SH3RF3: variants seen among roughly 807,000 people sequenced by gnomAD.
The protein encoded by SH3RF3 is E3 ubiquitin-protein ligase SH3RF3.
Under a neutral mutation model 66.3 loss-of-function variants are expected in SH3RF3, and 29 were observed. The ratio of observed to expected loss-of-function variants is 0.44; its 90% CI spans 0.33 to 0.60. The LOEUF is 0.60. SH3RF3 is among the 20% of genes least tolerant of loss of function. The pLI is 0.04. For synonymous variants in SH3RF3, 583 were observed against 532.0 expected (o/e 1.10, Z -1.32); for missense variants, 1,194 against 1,190.9 (o/e 1.00, Z -0.04).
chr2:109,375,863 A>G (rs777063289), intron 3 of SH3RF3, among the ~76,000 whole-genome samples: 6 of 152,214 alleles, frequency 3.9e-5, no homozygotes, highest in Non-Finnish European at 8.8e-5. Context: ...TGAGCAGCCC[A>G]TGGGCAGTTC....
At chr2:109,299,355 G>A (rs1229544375) in intron 1 of SH3RF3, among the ~76,000 whole-genome samples, 4 of 151,760 alleles carry the variant, frequency 2.6e-5, no homozygotes, top group African/African-American at 9.7e-5. Context: ...TTGGGTTACT[G>A]CTGTGACCAC....
intron 5 of SH3RF3, among the ~76,000 whole-genome samples, chr2:109,431,020 G>A (rs1677196469): frequency 6.6e-6 from 1 of 152,202 alleles, no homozygotes; most frequent in South Asian, 2.1e-4. Context: ...TCATATTAAG[G>A]CCAAGAAACT....
chr2:109,496,907 C>T (rs1198882525), intron 9 of SH3RF3, among the ~76,000 whole-genome samples: 1 of 152,136 alleles, frequency 6.6e-6, no homozygotes, highest in Non-Finnish European at 1.5e-5. Flanking sequence ...AAGAGAGAGG[C>T]AGAGGAGAAG....
intron 5 of SH3RF3, among the ~76,000 whole-genome samples, chr2:109,431,830 C>A (rs990878185): frequency 6.6e-6 from 1 of 152,070 alleles, no homozygotes; most frequent in African/African-American, 2.4e-5. Context: ...ATGCTTGTAC[C>A]ACTGCACTCC....
At chr2:109,234,960 C>T (rs1325137978) in intron 1 of SH3RF3, among the ~76,000 whole-genome samples, 2 of 152,186 alleles carry the variant, frequency 1.3e-5, no homozygotes, top group Non-Finnish European at 2.9e-5. Context: ...ACCTCAGCAC[C>T]TGTTGTCACC....
chr2:109,442,435 T>C (rs952096921), intron 7 of SH3RF3, among the ~76,000 whole-genome samples: 1 of 152,062 alleles, frequency 6.6e-6, no homozygotes, highest in African/African-American at 2.4e-5. Flanking sequence ...GCACTGGAAA[T>C]GGTAACTACA....
chr2:109,371,943 C>A (rs1394150616), intron 3 of SH3RF3, among the ~76,000 whole-genome samples: 4 of 152,190 alleles, frequency 2.6e-5, no homozygotes, highest in African/African-American at 9.6e-5. Context: ...GCAGCAGGGC[C>A]CCCTTGTGCA....
At chr2:109,487,651 G>A (rs970717933) in intron 8 of SH3RF3, among the ~76,000 whole-genome samples, 2 of 152,194 alleles carry the variant, frequency 1.3e-5, no homozygotes, top group African/African-American at 4.8e-5. Context: ...ACTCTCAGCA[G>A]CTGGGCAGTG....
intron 8 of SH3RF3, among the ~76,000 whole-genome samples, chr2:109,452,523 C>T (rs1677904494): frequency 4.6e-5 from 7 of 152,230 alleles, no homozygotes; most frequent in Admixed American, 3.9e-4. Context: ...CACCCAGGCC[C>T]TTCCATGCAT....
chr2:109,213,063 A>G (rs541543187), intron 1 of SH3RF3, among the ~76,000 whole-genome samples: 1 of 152,326 alleles, frequency 6.6e-6, no homozygotes, highest in South Asian at 2.1e-4. Context: ...CAGTCCTGGG[A>G]AGGCTCGGAG....
At chr2:109,239,961 G>T (rs1327465349) in intron 1 of SH3RF3, among the ~76,000 whole-genome samples, 5 of 152,216 alleles carry the variant, frequency 3.3e-5, no homozygotes, top group Non-Finnish European at 7.3e-5. Flanking sequence ...TAGTTGTAGT[G>T]GGGCTTGCAG....
intron 8 of SH3RF3, among the ~76,000 whole-genome samples, chr2:109,453,574 G>A (rs1446423614): frequency 6.6e-6 from 1 of 152,096 alleles, no homozygotes; most frequent in African/African-American, 2.4e-5. Flanking sequence ...CTAACCACCC[G>A]ACCGGCCATC....
intron 8 of SH3RF3, among the ~76,000 whole-genome samples, chr2:109,483,299 C>T (rs1678882597): frequency 1.3e-5 from 2 of 152,236 alleles, no homozygotes; most frequent in Middle Eastern, 3.2e-3. Context: ...GTCCCCGTTT[C>T]TTTCTTCTGA....
chr2:109,333,236 G>A (rs190883788), intron 1 of SH3RF3, among the ~76,000 whole-genome samples: 4 of 152,366 alleles, frequency 2.6e-5, no homozygotes, highest in African/African-American at 9.6e-5. Context: ...TCTCCTGCCT[G>A]TAGTTGAGAA....
intron 1 of SH3RF3, among the ~76,000 whole-genome samples, chr2:109,205,525 C>G (rs1292488478): frequency 1.3e-5 from 2 of 152,190 alleles, no homozygotes; most frequent in Admixed American, 1.3e-4. Flanking sequence ...GCTGGGATTA[C>G]AGGTGAACCA....
chr2:109,328,262 G>T (rs1682202397), intron 1 of SH3RF3, among the ~76,000 whole-genome samples: 1 of 152,136 alleles, frequency 6.6e-6, no homozygotes, highest in African/African-American at 2.4e-5. Flanking sequence ...TTCAAATAAG[G>T]TCCACTCATG....
intron 1 of SH3RF3, among the ~76,000 whole-genome samples, chr2:109,167,428 G>T (rs971365704): frequency 6.6e-6 from 1 of 152,176 alleles, no homozygotes; most frequent in African/African-American, 2.4e-5. Context: ...TTATATCCTG[G>T]CAAGGGGTGA....
intron 4 of SH3RF3, among the ~76,000 whole-genome samples, chr2:109,405,089 C>G (rs1464205708): frequency 6.6e-6 from 1 of 151,484 alleles, no homozygotes; most frequent in Non-Finnish European, 1.5e-5. Flanking sequence ...CCTGGGCATA[C>G]TCACCCATGG....
At chr2:109,271,621 G>A (rs1178109367) in intron 1 of SH3RF3, among the ~76,000 whole-genome samples, 1 of 152,204 alleles carries the variant, frequency 6.6e-6, no homozygotes, top group Non-Finnish European at 1.5e-5. Context: ...ATGGGGTGAG[G>A]CCCCGTGTGG....
Sources: gnomAD v4.1 joint callset for allele counts (sites outside exome capture counted in the v4.1 genomes callset) on GRCh38, gnomAD v4.1.1 for gene constraint, MANE v1.5 for transcripts, NCBI Gene and HGNC (gene_info 2026-07-23, HGNC 2026-07-21) for gene names.